TREM1: variants seen among roughly 807,000 people sequenced by gnomAD.
The protein encoded by TREM1 is triggering receptor expressed on myeloid cells 1.
TREM1 carries 16 observed loss-of-function variants against 22.4 expected under a neutral mutation model. The observed-to-expected ratio is 0.71, with a 90% CI of 0.48 to 1.08. TREM1 has a LOEUF of 1.08. Among genes scored for constraint, TREM1 ranks in the 50% least tolerant of loss-of-function variants. TREM1 has a pLI of 0.00. For synonymous variants in TREM1, 110 were observed against 111.6 expected, an observed-to-expected ratio of 0.99 and a Z score of 0.09; for missense variants, 283 against 282.9, an observed-to-expected ratio of 1.00 and a Z score of 0.00.
rs2113975303 is a variant in TREM1, at chr6:41,275,393, T to C, written c.*732A>G. The C allele has an allele frequency of 6.6e-6, 1 of 152,358 alleles. No individual in the cohort carries two copies. Among genetic ancestry groups the C allele is most frequent in the Non-Finnish European group, 1.5e-5 (1 of 68,090 alleles). The allele number at this position is 152,358 out of a possible 1,614,324, so 9.4% of individuals were successfully genotyped here. A position where few individuals can be genotyped will look rare whatever the true frequency, so the allele number is the denominator to read the frequency against. ...GCAGTGGCTTATTCATGTGGCCTCG[T>C]TCTAGTCACATACATTTCTGCCTTC... On this transcript the variant is annotated 3_prime_UTR_variant, in exon 4 of 4. Coordinates refer to ENST00000244709, the MANE Select transcript of TREM1 (RefSeq NM_018643.5).
rs747589522 is a variant in TREM1 at position 41,282,646 on chromosome 6, T to G, written c.155A>C (p.Gln52Pro). ...DYTLEKFASS[Q>P]KAWQIIRDGE... is the part of the protein sequence containing the mutation. ...GTCCCTTATTATCTGCCAAGCTTTC[T>G]GGCTGCTGGCAAACTTCTCTAGCGT... is the stretch of plus-strand genomic sequence containing the variant. The change falls in exon 2 of 4, where the codon CAG (glutamine) becomes CCG (proline). Residue 52 changes from glutamine to proline, a missense_variant. By Grantham distance (76) the Gln-to-Pro change is moderately conservative. Coordinates refer to ENST00000244709, the MANE Select transcript of TREM1 (RefSeq NM_018643.5). 1.1e-5 allele frequency: 17 copies of G among 1,614,258 alleles called. No individual in the cohort carries two copies. The Admixed American group carries it at 2.8e-4, about 27-fold the overall frequency.
chr6:41,279,636 T>C (rs1256188684), intron 3 of TREM1: 2 of 985,162 alleles, frequency 2.0e-6, no homozygotes, highest in Non-Finnish European at 2.4e-6. Flanking sequence ...CATATGGAGG[T>C]GGAGTCTACA....
Position 41,286,597 on chromosome 6 carries a change from C to T in TREM1, c.49+10G>A, listed in dbSNP as rs542936265. On this transcript the variant is annotated intron_variant, in intron 1 of 3. Coordinates refer to ENST00000244709, the MANE Select transcript of TREM1 (RefSeq NM_018643.5). ...ACGCCTCCCCTGCTCAGTCCTCTTC[C>T]TTGTCTTACCTGAGACAAAGAGCAT... The T allele has an allele frequency of 3.7e-6, 6 of 1,613,924 alleles. No individual in the cohort carries two copies. Among genetic ancestry groups the T allele is most frequent in the East Asian group, 2.2e-5 (1 of 44,858 alleles).
intron 3 of TREM1, chr6:41,279,718 T>TAATGATTTA: frequency 3.0e-6 from 3 of 985,438 alleles, no homozygotes; most frequent in Non-Finnish European, 2.4e-6. Context: ...TCACACTATT[T>TAATGATTTA]AATGATTTAA....
At chr6:41,279,885 G>C (rs183317114) in intron 3 of TREM1, 23 of 981,386 alleles carry the variant, frequency 2.3e-5, no homozygotes, top group Non-Finnish European at 2.8e-5. Context: ...TGGAAATTTC[G>C]AGTTAATTAT....
At chr6:41,278,007 G>T (rs1767739556) in intron 3 of TREM1, among the ~76,000 whole-genome samples, 1 of 144,434 alleles carries the variant, frequency 6.9e-6, no homozygotes, top group Admixed American at 7.1e-5. Flanking sequence ...CTGAAGCCTT[G>T]ATCTCCCAGG....
downstream of TREM1, chr6:41,269,997 A>T (rs1035721027): frequency 1.3e-5 from 2 of 152,282 alleles, no homozygotes; most frequent in Non-Finnish European, 2.9e-5. Context: ...CCCTGATTAT[A>T]GCTTCCGTGG....
At position 41,285,108 on chromosome 6, in the gene TREM1, G is replaced by A. The variant is rs1235798845; in HGVS notation, c.49+1499C>T. ...TGAAGCCCTAACCTCTGAAGTTAATGTTACAGATAAATCTCTTTTATTTGC... is the reference window on the plus strand; with the variant it reads ...TGAAGCCCTAACCTCTGAAGTTAATATTACAGATAAATCTCTTTTATTTGC... On this transcript the variant is annotated intron_variant, in intron 1 of 3. Coordinates refer to ENST00000244709, the MANE Select transcript of TREM1 (RefSeq NM_018643.5). 8.5e-5 allele frequency among the ~76,000 whole-genome samples: 13 copies of A among 152,188 alleles called. 1 individual carries two copies.
At position 41,280,663 on chromosome 6, in the gene TREM1, G is replaced by T. The variant is rs1007983981; in HGVS notation, c.599+298C>A. 5.0e-6 allele frequency: 7 copies of T among 1,402,508 alleles called. No homozygotes were observed. The African/African-American group carries it at 8.7e-5, about 17-fold the overall frequency. 86.9% of individuals were successfully genotyped at this position (1,402,508 alleles called of 1,614,324 possible). On this transcript the variant is annotated intron_variant, in intron 3 of 3. Coordinates refer to ENST00000244709, the MANE Select transcript of TREM1 (RefSeq NM_018643.5). ...CTTTCCCACTGCCCATCAGGCCCCTGGGGTTGGATGAGCTCCACTGGAACT... is the reference window on the plus strand; with the variant it reads ...CTTTCCCACTGCCCATCAGGCCCCTTGGGTTGGATGAGCTCCACTGGAACT...
In TREM1 at chr6:41,281,135, C is replaced by T. The variant is rs372884401; in HGVS notation, c.425G>A (p.Gly142Asp). 3.1e-6 allele frequency: 5 copies of T among 1,613,452 alleles called. No homozygotes were observed. Among genetic ancestry groups the T allele is most frequent in the African/African-American group, 1.3e-5 (1 of 74,858 alleles). The change falls in exon 3 of 4, where the codon GGC becomes GAC. Residue 142 changes from glycine to aspartate, a missense_variant. Transcript: ENST00000244709. ...VVTKGFSGTP[G>D]SNENSTQNVY... ...ATTCTGGGTAGAATTCTCATTGGAG[C>T]CAGGGGTCCCTGAAAAACCTGCAAG... is the stretch of plus-strand genomic sequence containing the variant.
At chr6:41,273,308 A>G (rs937068437), downstream of TREM1, among the ~76,000 whole-genome samples, 3 of 152,136 alleles carry the variant, frequency 2.0e-5, no homozygotes, top group African/African-American at 7.2e-5. Flanking sequence ...GCCTCTCATC[A>G]ACTCTGAGTT....
At chr6:41,281,314 C>T in intron 2 of TREM1, 161 bp from the exon 3 acceptor site, 2 of 812,266 alleles carry the variant, frequency 2.5e-6, no homozygotes, top group Non-Finnish European at 3.7e-6. Context: ...GAGCATGGCC[C>T]AAATGCAAAG....
intron 3 of TREM1, chr6:41,279,516 A>AG: frequency 2.1e-6 from 2 of 970,302 alleles, no homozygotes; most frequent in South Asian, 5.0e-5. Context: ...AAGTAGAGGA[A>AG]AAAAAAAAAT....
chr6:41,272,539 C>G (rs1309758636), downstream of TREM1, among the ~76,000 whole-genome samples: 1 of 152,202 alleles, frequency 6.6e-6, no homozygotes, highest in Non-Finnish European at 1.5e-5. Context: ...CACACCCAGG[C>G]TCCACCACCA....
chr6:41,271,092 A>G (rs1274884851), downstream of TREM1, among the ~76,000 whole-genome samples: 1 of 152,062 alleles, frequency 6.6e-6, no homozygotes, highest in African/African-American at 2.4e-5. Context: ...TGGGATGGAT[A>G]TTCCCATTTG....
chr6:41,283,240 G>A (rs1304513949), intron 1 of TREM1, among the ~76,000 whole-genome samples: 1 of 152,218 alleles, frequency 6.6e-6, no homozygotes, highest in Non-Finnish European at 1.5e-5. Flanking sequence ...GACAAACAGT[G>A]AGGAAGCCGT....
chr6:41,282,210 T>A, intron 2 of TREM1, 185 bp downstream of exon 2: 1 of 571,646 alleles, frequency 1.7e-6, no homozygotes, highest in East Asian at 2.8e-5. Flanking sequence ...AATTAGGCTG[T>A]GCTATCCAAG....
At chr6:41,271,319 G>T (rs1027577204), downstream of TREM1, among the ~76,000 whole-genome samples, 1 of 152,064 alleles carries the variant, frequency 6.6e-6, no homozygotes, top group African/African-American at 2.4e-5. Flanking sequence ...CCTGTGAGTC[G>T]GTTCCATTTA....
chr6:41,280,512 C>G, intron 3 of TREM1: 1 of 1,044,818 alleles, frequency 9.6e-7, no homozygotes, highest in Non-Finnish European at 1.2e-6. Flanking sequence ...TGTCTTCCAG[C>G]TTTGGGTTTC....
Sources: gnomAD v4.1 joint callset for allele counts (sites outside exome capture counted in the v4.1 genomes callset) on GRCh38, gnomAD v4.1.1 for gene constraint, MANE v1.5 for transcripts, NCBI Gene and HGNC (gene_info 2026-07-23, HGNC 2026-07-21) for gene names.